The following SETX variants were observed in gnomAD, a reference collection of about 807,000 sequenced individuals.
SETX encodes senataxin.
Under a neutral mutation model 227.2 loss-of-function variants are expected in SETX, and 90 were observed. The ratio of observed to expected loss-of-function variants is 0.40; its 90% CI spans 0.33 to 0.47. The LOEUF is 0.47. SETX is among the 20% of genes least tolerant of loss of function. SETX has a pLI of 0.91. For missense variants in SETX, 3,052 were observed against 3,181.5 expected (o/e 0.96, Z 0.98); for synonymous variants, 1,210 against 1,113.2 (o/e 1.09, Z -1.73).
intron 11 of SETX, among the ~76,000 whole-genome samples, chr9:132,310,387 C>G (rs1343109354): frequency 1.3e-5 from 2 of 152,216 alleles, no homozygotes; most frequent in Non-Finnish European, 2.9e-5. Context: ...ATTCCACAAT[C>G]TACTTCTGGA....
intron 12 of SETX, 72 bp from the exon 13 acceptor site, chr9:132,298,384 A>C: frequency 8.3e-7 from 1 of 1,210,414 alleles, no homozygotes; most frequent in Non-Finnish European, 1.2e-6. Flanking sequence ...AAGGTCATGC[A>C]GAATTAGGTA....
chr9:132,331,510 T>C, intron 7 of SETX, 62 bp from the exon 8 acceptor site: 1 of 1,547,804 alleles, frequency 6.5e-7, no homozygotes, highest in Non-Finnish European at 8.8e-7. Flanking sequence ...CTACAATATA[T>C]TGAGAATTAA....
At chr9:132,347,885 A>G (rs1252759223) in intron 3 of SETX, among the ~76,000 whole-genome samples, 2 of 152,124 alleles carry the variant, frequency 1.3e-5, no homozygotes, top group Non-Finnish European at 1.5e-5. Context: ...TATACTGTAT[A>G]TATCTCTATG....
intron 1 of SETX, among the ~76,000 whole-genome samples, chr9:132,354,559 C>G: frequency 6.6e-6 from 1 of 151,740 alleles, no homozygotes; most frequent in African/African-American, 2.4e-5. Flanking sequence ...GAGAGGCAGA[C>G]GAGCGTGTGG....
intron 20 of SETX, 131 bp downstream of exon 20, chr9:132,281,336 T>C: frequency 1.5e-6 from 1 of 687,196 alleles, no homozygotes; most frequent in African/African-American, 1.8e-5. Flanking sequence ...AGTGCTTCTC[T>C]TTTCTTAGTT....
intron 5 of SETX, among the ~76,000 whole-genome samples, chr9:132,337,117 T>A (rs1189627815): frequency 6.6e-6 from 1 of 151,996 alleles, no homozygotes; most frequent in African/African-American, 2.4e-5. Context: ...TCTTTATCTT[T>A]TAGAAATACA....
intron 23 of SETX, among the ~76,000 whole-genome samples, chr9:132,273,550 A>C (rs1429002284): frequency 6.6e-6 from 1 of 152,208 alleles, no homozygotes; most frequent in Admixed American, 6.5e-5. Flanking sequence ...TTTATTCCGA[A>C]GTGTTTTATT....
Position 132,300,658 on chromosome 9 carries a change from A to G in SETX, c.5520T>C (p.Tyr1840=), listed in dbSNP as rs1240989823. The G allele has an allele frequency of 6.2e-6, 10 of 1,613,690 alleles. No homozygotes were observed. The highest frequency in any genetic ancestry group is 7.6e-6 in the Non-Finnish European group (9 of 1,179,914). The change falls in exon 12 of 26, where the codon TAT becomes TAC. Residue 1840 remains tyrosine, a synonymous_variant. Transcript: ENST00000224140. ...CTGACGTGCGGCGAAATTTATGAAC[A>G]TAACCAGAATGATATTCGTGGAGAT... ...IQDLHEYHSG[Y]VHKFRRTSVM... is the part of the protein sequence containing the mutation.
At chr9:132,336,033 G>A (rs947867209) in intron 6 of SETX, among the ~76,000 whole-genome samples, 1 of 152,146 alleles carries the variant, frequency 6.6e-6, no homozygotes, top group Admixed American at 6.5e-5. Context: ...CTTGATGTCA[G>A]GAGTTCAAGA....
chr9:132,349,557 A>G, intron 2 of SETX, 122 bp from the exon 3 acceptor site: 2 of 927,186 alleles, frequency 2.2e-6, no homozygotes, highest in African/African-American at 3.3e-5. Context: ...TAAAACCCAA[A>G]TCTTCTGCTG....
intron 6 of SETX, 67 bp downstream of exon 6, chr9:132,336,229 T>C (rs1847605939): frequency 7.4e-7 from 1 of 1,357,436 alleles, no homozygotes; most frequent in Non-Finnish European, 1.0e-6. Context: ...GGCAACAGAG[T>C]GAGACTGTCT....
At position 132,326,501 on chromosome 9, in the gene SETX, G is replaced by C. The variant is rs1163054039; in HGVS notation, c.5097C>G (p.Asp1699Glu). The C allele has an allele frequency of 6.2e-7, 1 of 1,614,094 alleles. No homozygotes were observed. Among genetic ancestry groups the C allele is most frequent in the South Asian group, 1.1e-5 (1 of 91,088 alleles). Residue 1699 changes from aspartate (D) to glutamate (E), a missense_variant, in exon 10 of 26, where the codon GAC becomes GAG. Coordinates refer to ENST00000224140, the MANE Select transcript of SETX (RefSeq NM_015046.7). The part of the protein sequence containing the change: ...NILLSSQSVS[D>E]TFVKEVLKWK... ...ATTTTAAGACCTCTTTAACGAAGGT[G>C]TCAGAGACAGACTGTGATGACAAAA...
At position 132,288,369 on chromosome 9, in the gene SETX, T is replaced by A; in HGVS notation, c.6209-18A>T. ...CTCTTTTTCTAATAAAAATAACAAA[T>A]AAAAAATTATATGCTATTCTAATTC... On this transcript the variant is annotated intron_variant, in intron 16 of 25. Transcript: ENST00000224140. 3.2e-6 allele frequency: 5 copies of A among 1,556,796 alleles called. No individual in the cohort carries two copies. Among genetic ancestry groups the A allele is most frequent in the Non-Finnish European group, 4.4e-6 (5 of 1,134,160 alleles).
chr9:132,264,363 GC>G lies in SETX; in HGVS notation c.7909del (p.Ala2637LeufsTer46). The G allele has an allele frequency of 6.2e-7, 1 of 1,614,188 alleles. No homozygotes were observed. The highest frequency in any genetic ancestry group is 8.5e-7 in the Non-Finnish European group (1 of 1,180,040). On this transcript the variant is annotated frameshift_variant, in exon 26 of 26. Coordinates refer to ENST00000224140, the MANE Select transcript of SETX (RefSeq NM_015046.7). LOFTEE classifies it low-confidence loss of function (END_TRUNC). ...CTTCTCCTGCTCCCCTTCACTGAAAGCCCTGGCCTCTCTCCTGTGACAGAGC... is the reference window on the plus strand; with the variant it reads ...CTTCTCCTGCTCCCCTTCACTGAAAGCCTGGCCTCTCTCCTGTGACAGAGC... Reference protein sequence around the residue: ...EELCHRREARAFSEGEQEKCG... With the variant: ...EELCHRREARXFSEGEQEKCG...
At chr9:132,277,937 A>C in intron 21 of SETX, 133 bp downstream of exon 21, 1 of 898,694 alleles carries the variant, frequency 1.1e-6, no homozygotes. Flanking sequence ...TGGCTATTAT[A>C]ACAGGACAAA....
At chr9:132,313,126 G>T (rs1449612378) in intron 10 of SETX, among the ~76,000 whole-genome samples, 1 of 152,108 alleles carries the variant, frequency 6.6e-6, no homozygotes, top group Non-Finnish European at 1.5e-5. Flanking sequence ...ATTGTTTTAG[G>T]TCAACAGAAA....
At chr9:132,321,990 A>C (rs1300252519) in intron 10 of SETX, among the ~76,000 whole-genome samples, 3 of 152,208 alleles carry the variant, frequency 2.0e-5, no homozygotes, top group Non-Finnish European at 4.4e-5. Flanking sequence ...TATATAACAA[A>C]ATACAGATTA....
intron 22 of SETX, among the ~76,000 whole-genome samples, 154 bp from the exon 23 acceptor site, chr9:132,275,574 T>C (rs1298319066): frequency 6.6e-6 from 1 of 152,184 alleles, no homozygotes; most frequent in Non-Finnish European, 1.5e-5. Flanking sequence ...CAAGAGGCTG[T>C]TACAATGACC....
chr9:132,302,759 A>G (rs1845086864), intron 11 of SETX, among the ~76,000 whole-genome samples: 1 of 151,920 alleles, frequency 6.6e-6, no homozygotes, highest in Non-Finnish European at 1.5e-5. Flanking sequence ...AATAAAAAGA[A>G]ACTTTTTACA....
Sources: gnomAD v4.1 joint callset for allele counts (sites outside exome capture counted in the v4.1 genomes callset) on GRCh38, gnomAD v4.1.1 for gene constraint, MANE v1.5 for transcripts, NCBI Gene and HGNC (gene_info 2026-07-23, HGNC 2026-07-21) for gene names.